The following GRM5 variants were observed in gnomAD, a reference collection of about 807,000 sequenced individuals.
GRM5 encodes metabotropic glutamate receptor 5.
Under a neutral mutation model 83.1 loss-of-function variants are expected in GRM5, and 19 were observed. The ratio of observed to expected loss-of-function variants is 0.23; its 90% CI spans 0.16 to 0.34. The LOEUF is 0.34. Ranked by LOEUF, GRM5 falls within the 10% of genes least tolerant of loss-of-function variation. GRM5 has a pLI of 1.00. For synonymous variants in GRM5, 675 were observed against 633.6 expected, an observed-to-expected ratio of 1.07 and a Z score of -0.98; for missense variants, 1,160 against 1,588.3, an observed-to-expected ratio of 0.73 and a Z score of 4.58.
chr11:88,800,510 T>A (rs1943369510), intron 3 of GRM5, among the ~76,000 whole-genome samples: 1 of 152,138 alleles, frequency 6.6e-6, no homozygotes, highest in Admixed American at 6.6e-5. Flanking sequence ...AGGACAAGAA[T>A]CATATTGTGT....
intron 5 of GRM5, among the ~76,000 whole-genome samples, chr11:88,603,090 T>A (rs1336380266): frequency 6.6e-6 from 1 of 152,206 alleles, no homozygotes; most frequent in Non-Finnish European, 1.5e-5. Flanking sequence ...AAGTATGTTG[T>A]TCTTGAAAGA....
chr11:88,834,282 T>C (rs1298697101), intron 3 of GRM5, among the ~76,000 whole-genome samples: 1 of 151,702 alleles, frequency 6.6e-6, no homozygotes, highest in Non-Finnish European at 1.5e-5. Context: ...AAAAAATTAC[T>C]TTTTGTAAAA....
intron 4 of GRM5, among the ~76,000 whole-genome samples, chr11:88,632,392 C>G (rs1385792645): frequency 6.6e-6 from 1 of 151,850 alleles, no homozygotes; most frequent in African/African-American, 2.4e-5. Context: ...GCTGTCACAC[C>G]TGGCCAATGT....
chr11:88,979,663 T>A (rs1731069110), intron 2 of GRM5, among the ~76,000 whole-genome samples: 2 of 152,150 alleles, frequency 1.3e-5, no homozygotes, highest in Non-Finnish European at 2.9e-5. Flanking sequence ...CCTCATCTGT[T>A]TAATATTCTG....
chr11:88,636,421 A>G (rs938230369), intron 4 of GRM5, among the ~76,000 whole-genome samples: 1 of 152,064 alleles, frequency 6.6e-6, no homozygotes, highest in Non-Finnish European at 1.5e-5. Context: ...CTGAGGCAGG[A>G]TAATTGATTG....
At chr11:88,597,051 G>T (rs959089120) in intron 6 of GRM5, 133 bp downstream of exon 6, 1 of 564,844 alleles carries the variant, frequency 1.8e-6, no homozygotes, top group Non-Finnish European at 3.0e-6. Context: ...CAAGGAATGA[G>T]TGAGAATTTC....
At chr11:88,834,102 A>G (rs777359503) in intron 3 of GRM5, among the ~76,000 whole-genome samples, 5 of 152,164 alleles carry the variant, frequency 3.3e-5, no homozygotes, top group African/African-American at 9.7e-5. Flanking sequence ...TAAAATATCT[A>G]TAAGAGAGAA....
At chr11:88,588,354 T>C (rs905465522) in intron 7 of GRM5, among the ~76,000 whole-genome samples, 5 of 152,154 alleles carry the variant, frequency 3.3e-5, no homozygotes, top group African/African-American at 9.7e-5. Context: ...TCTGCAACAA[T>C]TGTCTCAAAA....
intron 3 of GRM5, among the ~76,000 whole-genome samples, chr11:88,771,203 C>T (rs761598119): frequency 2.5e-4 from 38 of 151,858 alleles, no homozygotes; most frequent in Non-Finnish European, 1.6e-4. Flanking sequence ...TTAGGGTTCT[C>T]CAGAAGGATA....
chr11:88,564,038 G>A (rs1942817280), intron 8 of GRM5, among the ~76,000 whole-genome samples: 3 of 152,156 alleles, frequency 2.0e-5, no homozygotes, highest in South Asian at 4.1e-4. Flanking sequence ...AGATGCATGT[G>A]ATACAAAAGA....
chr11:88,779,920 GC>G (rs975068087), intron 3 of GRM5, among the ~76,000 whole-genome samples: 7 of 152,022 alleles, frequency 4.6e-5, no homozygotes, highest in Admixed American at 4.6e-4. Context: ...CTGGATTAGT[GC>G]CCCATCTCCC....
chr11:88,729,265 T>C (rs748470194), intron 3 of GRM5, among the ~76,000 whole-genome samples: 5 of 151,720 alleles, frequency 3.3e-5, no homozygotes, highest in Non-Finnish European at 5.9e-5. Context: ...ATGAGGGAAC[T>C]CCCATTCACA....
intron 3 of GRM5, among the ~76,000 whole-genome samples, chr11:88,699,480 T>C (rs10765703): frequency 0.97 from 148,161 of 152,158 alleles, 72,270 homozygotes; most frequent in East Asian, 1. Flanking sequence ...GGAGTGTTGA[T>C]TGCTGACAAC....
intron 2 of GRM5, among the ~76,000 whole-genome samples, chr11:88,949,314 C>T (rs1415350525): frequency 6.6e-6 from 1 of 152,208 alleles, no homozygotes; most frequent in Non-Finnish European, 1.5e-5. Flanking sequence ...TATCTTCCAT[C>T]AATAGAATCC....
At chr11:88,760,321 G>C (rs919914919) in intron 3 of GRM5, among the ~76,000 whole-genome samples, 3 of 84,806 alleles carry the variant, frequency 3.5e-5, no homozygotes, top group Non-Finnish European at 8.0e-5. Context: ...TAGACTGCTA[G>C]CTAGACTAAT....
chr11:88,884,214 T>A (rs1276104079), intron 2 of GRM5, among the ~76,000 whole-genome samples: 3 of 152,198 alleles, frequency 2.0e-5, no homozygotes, highest in African/African-American at 7.2e-5. Flanking sequence ...CCCCAAGACA[T>A]AGGAACCCAC....
chr11:88,829,978 T>G (rs964907910), intron 3 of GRM5, among the ~76,000 whole-genome samples: 5 of 151,932 alleles, frequency 3.3e-5, no homozygotes, highest in African/African-American at 1.2e-4. Context: ...CATATTCACA[T>G]TGGTTACCTG....
At chr11:88,791,745 A>G (rs1943177385) in intron 3 of GRM5, among the ~76,000 whole-genome samples, 1 of 152,206 alleles carries the variant, frequency 6.6e-6, no homozygotes, top group Non-Finnish European at 1.5e-5. Flanking sequence ...TTTTAAAAGC[A>G]TACAAGTTTG....
At chr11:88,591,024 C>G (rs1402580333) in intron 6 of GRM5, among the ~76,000 whole-genome samples, 3 of 152,120 alleles carry the variant, frequency 2.0e-5, no homozygotes, top group Admixed American at 2.0e-4. Flanking sequence ...TGTGCTTGTG[C>G]TCATATGTAG....
Sources: gnomAD v4.1 joint callset for allele counts (sites outside exome capture counted in the v4.1 genomes callset) on GRCh38, gnomAD v4.1.1 for gene constraint, MANE v1.5 for transcripts, NCBI Gene and HGNC (gene_info 2026-07-23, HGNC 2026-07-21) for gene names.